Variants in CFAP206 observed in about 807,000 individuals in gnomAD.
The protein encoded by CFAP206 is cilia and flagella associated protein 206.
In CFAP206, 53 loss-of-function variants were observed where a neutral mutation model predicts 65.4. That is an observed-to-expected ratio of 0.81 (90% confidence interval 0.65 to 1.02). The LOEUF (loss-of-function observed/expected upper bound fraction) is 1.02. Ranked by LOEUF, CFAP206 falls within the 50% of genes least tolerant of loss-of-function variation. The pLI is 0.00. For missense variants in CFAP206, 663 were observed against 753.2 expected, an observed-to-expected ratio of 0.88 and a Z score of 1.40; for synonymous variants, 250 against 254.4, an observed-to-expected ratio of 0.98 and a Z score of 0.17.
At position 87,413,836 on chromosome 6, in the gene CFAP206, T is replaced by TA. The variant is rs748077718; in HGVS notation, c.224dup (p.Asn75LysfsTer8). 5.7e-6 allele frequency: 9 copies of TA among 1,571,098 alleles called. No individual in the cohort carries two copies. The highest frequency in any genetic ancestry group is 1.7e-4 in the Middle Eastern group (1 of 5,960). ...TTTGTATGACTCGGCTATTGGATAC[T>TA]AAAAATCCATCCCTGGACACTATTA... On this transcript the variant is annotated frameshift_variant, in exon 4 of 13. Coordinates refer to ENST00000369562, the MANE Select transcript of CFAP206 (RefSeq NM_001031743.3). LOFTEE classifies it high-confidence loss of function.
chr6:87,440,795 A>C (rs1053021198), intron 11 of CFAP206, among the ~76,000 whole-genome samples: 1 of 152,176 alleles, frequency 6.6e-6, no homozygotes, highest in Non-Finnish European at 1.5e-5. Flanking sequence ...ATGAGGATGA[A>C]AGTTCTGTAG....
intron 11 of CFAP206, among the ~76,000 whole-genome samples, chr6:87,448,159 T>C (rs1203640999): frequency 6.6e-6 from 1 of 151,984 alleles, no homozygotes; most frequent in African/African-American, 2.4e-5. Flanking sequence ...CCTGTGTCCA[T>C]GTGTTTTCAT....
intron 11 of CFAP206, among the ~76,000 whole-genome samples, chr6:87,457,082 G>A (rs887156106): frequency 4.7e-5 from 7 of 150,340 alleles, no homozygotes; most frequent in African/African-American, 9.8e-5. Flanking sequence ...CCCAGGAGGC[G>A]GAGCTTGCAG....
At chr6:87,439,738 AT>A (rs1448263162) in intron 11 of CFAP206, among the ~76,000 whole-genome samples, 1 of 151,962 alleles carries the variant, frequency 6.6e-6, no homozygotes, top group Non-Finnish European at 1.5e-5. Context: ...TAAAGATCCA[AT>A]TTTATTTTTT....
Position 87,415,817 on chromosome 6 carries a change from T to C in CFAP206, c.415T>C (p.Leu139=). ...SLYRKIISYV[L]LRSGLGSPTD... The stretch of plus-strand genomic sequence containing the variant: ...CTACCGGAAGATTATCAGCTATGTG[T>C]TACTCCGCTCTGGCCTTGGATCCCC... The change falls in exon 5 of 13, where the codon TTA becomes CTA. Residue 139 remains leucine (L), a synonymous_variant. Coordinates refer to ENST00000369562, the MANE Select transcript of CFAP206 (RefSeq NM_001031743.3). 1 of 1,612,950 alleles carries C rather than the reference T, an allele frequency of 6.2e-7. No individual in the cohort carries two copies.
At chr6:87,444,357 C>T (rs190178514) in intron 11 of CFAP206, 104 of 218,230 alleles carry the variant, frequency 4.8e-4, no homozygotes, top group African/African-American at 2.3e-3. Flanking sequence ...GTCCAGGTTG[C>T]GTTTCCTTCA....
At chr6:87,434,578 ACCTCCG>A (rs1026663959) in intron 10 of CFAP206, among the ~76,000 whole-genome samples, 5 of 151,198 alleles carry the variant, frequency 3.3e-5, no homozygotes, top group Non-Finnish European at 7.4e-5. Flanking sequence ...GCTCACTGCA[ACCTCCG>A]CCTCCCAGGT....
At chr6:87,456,306 G>T (rs372176608) in intron 11 of CFAP206, among the ~76,000 whole-genome samples, 1 of 152,008 alleles carries the variant, frequency 6.6e-6, no homozygotes, top group Non-Finnish European at 1.5e-5. Flanking sequence ...AAAAGCATTT[G>T]ATAAAATTCA....
intron 11 of CFAP206, among the ~76,000 whole-genome samples, chr6:87,457,081 C>T (rs1174449957): frequency 3.5e-5 from 5 of 143,106 alleles, no homozygotes; most frequent in Non-Finnish European, 7.5e-5. Context: ...ACCCAGGAGG[C>T]GGAGCTTGCA....
chr6:87,416,655 C>G lies in CFAP206; in HGVS notation c.473-14C>G. The G allele has an allele frequency of 1.5e-6, 2 of 1,314,932 alleles. No homozygotes were observed. The highest frequency in any genetic ancestry group is 2.8e-5 in the East Asian group (1 of 36,014). 81.5% of individuals were successfully genotyped at this position (1,314,932 alleles called of 1,614,324 possible). ...CATTTTGTTTTCCTTTTTTTTTTTT[C>G]TGGTTTATTTTAGCTGCTCTACAGA... On this transcript the variant is annotated splice_polypyrimidine_tract_variant and intron_variant, in intron 5 of 12. Coordinates refer to ENST00000369562, the MANE Select transcript of CFAP206 (RefSeq NM_001031743.3).
chr6:87,457,286 A>G (rs975621915), intron 11 of CFAP206, among the ~76,000 whole-genome samples: 4 of 152,194 alleles, frequency 2.6e-5, no homozygotes, highest in South Asian at 4.1e-4. Flanking sequence ...CAAAATACCA[A>G]TGACATTCTG....
At chr6:87,414,194 G>T (rs750829085) in intron 4 of CFAP206, among the ~76,000 whole-genome samples, 6 of 152,110 alleles carry the variant, frequency 3.9e-5, no homozygotes, top group African/African-American at 1.4e-4. Flanking sequence ...TTAATTTATA[G>T]ATTTTCTTGT....
At chr6:87,441,814 C>A (rs573959971) in intron 11 of CFAP206, 2 of 260,980 alleles carry the variant, frequency 7.7e-6, no homozygotes, top group Non-Finnish European at 7.8e-6. Context: ...AAATTTCAGG[C>A]GAATAAGAGA....
intron 6 of CFAP206, among the ~76,000 whole-genome samples, chr6:87,417,094 C>T (rs539392441): frequency 6.6e-6 from 1 of 152,234 alleles, no homozygotes; most frequent in East Asian, 1.9e-4. Flanking sequence ...AGCTAACCTC[C>T]CAGTTCAGCA....
intron 7 of CFAP206, among the ~76,000 whole-genome samples, chr6:87,424,300 G>C (rs1236457406): frequency 1.3e-5 from 2 of 151,532 alleles, no homozygotes; most frequent in Admixed American, 1.3e-4. Flanking sequence ...ATTTTTTTGG[G>C]ACAGAGTCTC....
Position 87,430,886 on chromosome 6 carries a change from T to C in CFAP206, c.1160-147T>C, listed in dbSNP as rs1768144134. On this transcript the variant is annotated intron_variant, in intron 9 of 12. Coordinates refer to ENST00000369562, the MANE Select transcript of CFAP206 (RefSeq NM_001031743.3). ...TTGCTTGAATAGACTTCCTCATAAA[T>C]CTGGTTTTGTGAATATCAAGTTTTT... 17 of 674,380 alleles carry C rather than the reference T, an allele frequency of 2.5e-5. 1 individual carries two copies. The South Asian group carries it at 3.6e-4, about 14-fold the overall frequency. The allele number at this position is 674,380 out of a possible 1,614,324, so 41.8% of individuals were successfully genotyped here.
intron 11 of CFAP206, among the ~76,000 whole-genome samples, chr6:87,454,142 G>A (rs117076200): frequency 0.029 from 4,434 of 152,252 alleles, 109 homozygotes; most frequent in Admixed American, 0.071. Flanking sequence ...AAAAGACACA[G>A]AGAAGATCAT....
intron 9 of CFAP206, among the ~76,000 whole-genome samples, chr6:87,429,565 G>A (rs530020752): frequency 2.1e-4 from 32 of 152,054 alleles, no homozygotes; most frequent in Non-Finnish European, 4.3e-4. Flanking sequence ...AGCTTATTTA[G>A]GTCCTTTAGA....
Position 87,446,582 on chromosome 6 carries a change from T to C in CFAP206, c.1494+11529T>C, listed in dbSNP as rs1321174156. ...GTCTGTTTTTGTACCAGTACCATGC[T>C]GTTTTGGTTACTGTAGGCTGCAGTA... On this transcript the variant is annotated intron_variant, in intron 11 of 12. Coordinates refer to ENST00000369562, the MANE Select transcript of CFAP206 (RefSeq NM_001031743.3). Among the ~76,000 whole-genome samples, 5 of 152,340 alleles carry C rather than the reference T, an allele frequency of 3.3e-5. No individual in the cohort carries two copies. In the East Asian group the frequency reaches 7.7e-4, roughly 24 times the overall value.
Sources: gnomAD v4.1 joint callset for allele counts (sites outside exome capture counted in the v4.1 genomes callset) on GRCh38, gnomAD v4.1.1 for gene constraint, MANE v1.5 for transcripts, NCBI Gene and HGNC (gene_info 2026-07-23, HGNC 2026-07-21) for gene names.